The following LRP1B variants were observed in gnomAD, a reference collection of about 807,000 sequenced individuals.
The protein encoded by LRP1B is LDL receptor related protein 1B.
LRP1B carries 217 observed loss-of-function variants against 556.6 expected under a neutral mutation model. The ratio of observed to expected loss-of-function variants is 0.39; its 90% CI spans 0.35 to 0.44. LRP1B has a LOEUF of 0.44. LRP1B is among the 20% of genes least tolerant of loss of function. The pLI, the probability that LRP1B is intolerant of heterozygous loss-of-function variation, is 1.00. For synonymous variants in LRP1B, 2,047 were observed against 1,865.8 expected, an observed-to-expected ratio of 1.10 and a Z score of -2.50; for missense variants, 5,053 against 5,620.8, an observed-to-expected ratio of 0.90 and a Z score of 3.23.
At chr2:141,634,061 G>T (rs1259157868) in intron 2 of LRP1B, among the ~76,000 whole-genome samples, 1 of 151,080 alleles carries the variant, frequency 6.6e-6, no homozygotes, top group Non-Finnish European at 1.5e-5. Flanking sequence ...TTTTAACTTA[G>T]TCTCAGCTTG....
At chr2:141,938,575 A>T (rs1700703703) in intron 1 of LRP1B, among the ~76,000 whole-genome samples, 1 of 152,120 alleles carries the variant, frequency 6.6e-6, no homozygotes, top group Non-Finnish European at 1.5e-5. Context: ...CAATCCAGCA[A>T]TCCTTTTTCT....
At chr2:141,668,554 C>T (rs188812884) in intron 2 of LRP1B, among the ~76,000 whole-genome samples, 73 of 152,258 alleles carry the variant, frequency 4.8e-4, no homozygotes, top group African/African-American at 1.6e-3. Flanking sequence ...TGTGGACAGT[C>T]CAATGGCTGT....
At chr2:141,048,706 T>C (rs1034722919) in intron 11 of LRP1B, among the ~76,000 whole-genome samples, 9 of 152,128 alleles carry the variant, frequency 5.9e-5, no homozygotes, top group Non-Finnish European at 1.0e-4. Flanking sequence ...TCAGTATAAA[T>C]TGACATTTCC....
intron 3 of LRP1B, among the ~76,000 whole-genome samples, chr2:141,409,389 A>T (rs568029258): frequency 6.6e-6 from 1 of 152,266 alleles, no homozygotes; most frequent in Admixed American, 6.5e-5. Context: ...CAAAATGAGA[A>T]ACAGAAAACC....
At chr2:141,634,004 C>G (rs183255088) in intron 2 of LRP1B, among the ~76,000 whole-genome samples, 1 of 151,524 alleles carries the variant, frequency 6.6e-6, no homozygotes, top group African/African-American at 2.4e-5. Flanking sequence ...AATCACTATA[C>G]GTGAGTAATT....
chr2:140,388,777 C>G (rs746017145), intron 66 of LRP1B, among the ~76,000 whole-genome samples: 14 of 152,286 alleles, frequency 9.2e-5, no homozygotes, highest in Non-Finnish European at 1.9e-4. Flanking sequence ...CCTAAAACAT[C>G]AGTTCTCAAA....
intron 1 of LRP1B, among the ~76,000 whole-genome samples, chr2:142,006,328 C>A (rs986423308): frequency 6.6e-6 from 1 of 152,118 alleles, no homozygotes; most frequent in African/African-American, 2.4e-5. Context: ...AAAACAGCAT[C>A]CATTAAATCT....
intron 83 of LRP1B, among the ~76,000 whole-genome samples, chr2:140,311,492 T>C (rs993991209): frequency 6.6e-6 from 1 of 151,818 alleles, no homozygotes; most frequent in Non-Finnish European, 1.5e-5. Context: ...CGTAGACATG[T>C]TGTGGAATAA....
At chr2:140,268,800 AAAGGTC>A (rs2104941033) in intron 86 of LRP1B, among the ~76,000 whole-genome samples, 1 of 152,002 alleles carries the variant, frequency 6.6e-6, no homozygotes, top group East Asian at 2.0e-4. Context: ...AGACTGTAAA[AAAGGTC>A]TTACTCTAAG....
At chr2:140,748,310 T>TATTCATATATAATATATATTAA (rs1688403768) in intron 35 of LRP1B, among the ~76,000 whole-genome samples, 1 of 132,848 alleles carries the variant, frequency 7.5e-6, no homozygotes. Flanking sequence ...TCATATATTA[T>TATTCATATATAATATATATTAA]ATTCATATAT....
At chr2:141,599,677 T>C (rs1462967114) in intron 2 of LRP1B, among the ~76,000 whole-genome samples, 1 of 152,134 alleles carries the variant, frequency 6.6e-6, no homozygotes, top group African/African-American at 2.4e-5. Flanking sequence ...ATGAACTACA[T>C]TATGTCTCCA....
chr2:141,252,738 C>A (rs894016466), intron 4 of LRP1B, among the ~76,000 whole-genome samples: 5 of 152,120 alleles, frequency 3.3e-5, no homozygotes, highest in Non-Finnish European at 7.4e-5. Flanking sequence ...ACATTGACTA[C>A]AAAGGAATAG....
intron 2 of LRP1B, among the ~76,000 whole-genome samples, chr2:141,737,697 C>A (rs1033654783): frequency 6.6e-6 from 1 of 152,168 alleles, no homozygotes; most frequent in African/African-American, 2.4e-5. Context: ...CTTTCTCACA[C>A]TCACAGAATA....
At chr2:140,633,112 A>T (rs1574168209) in intron 41 of LRP1B, among the ~76,000 whole-genome samples, 1 of 151,844 alleles carries the variant, frequency 6.6e-6, no homozygotes, top group African/African-American at 2.4e-5. Context: ...CATTAAATAT[A>T]AAAACATAGA....
intron 41 of LRP1B, among the ~76,000 whole-genome samples, chr2:140,643,792 T>C (rs1258924427): frequency 6.6e-6 from 1 of 152,190 alleles, no homozygotes; most frequent in Non-Finnish European, 1.5e-5. Flanking sequence ...TGTTCATGCA[T>C]ATTGAGTACA....
chr2:141,942,541 A>G (rs763262451), intron 1 of LRP1B, among the ~76,000 whole-genome samples: 10 of 152,006 alleles, frequency 6.6e-5, no homozygotes, highest in Non-Finnish European at 1.3e-4. Flanking sequence ...CCAAAACAAA[A>G]CCATACCCTG....
chr2:140,395,763 T>C (rs1472059193), intron 66 of LRP1B, among the ~76,000 whole-genome samples: 3 of 152,214 alleles, frequency 2.0e-5, no homozygotes, highest in African/African-American at 2.4e-5. Flanking sequence ...ATTTTAAAAA[T>C]TGCATGTCAA....
chr2:141,839,378 C>T (rs1359480975), intron 1 of LRP1B, among the ~76,000 whole-genome samples: 2 of 152,158 alleles, frequency 1.3e-5, no homozygotes, highest in Admixed American at 6.5e-5. Context: ...TATACACAAA[C>T]ATGCACCATT....
Position 140,501,729 on chromosome 2 carries a change from A to C in LRP1B, c.8808T>G (p.Ser2936Arg), listed in dbSNP as rs760563435. ...HINECLSKKV[S>R]GCSQDCQDLP... Reference sequence around the variant, plus strand: ...GGTCTTGACAGTCTTGAGAACATCCACTGACTTTCTTACTCAAACATTCAT... The same window carrying C: ...GGTCTTGACAGTCTTGAGAACATCCCCTGACTTTCTTACTCAAACATTCAT... Residue 2936 changes from serine to arginine, a missense_variant, in exon 55 of 91, where the codon AGT (serine) becomes AGG (arginine). Physicochemically the swap from Ser to Arg is moderately radical, Grantham distance 110 (BLOSUM62 -1). Coordinates refer to ENST00000389484, the MANE Select transcript of LRP1B (RefSeq NM_018557.3). The C allele has an allele frequency of 5.6e-6, 9 of 1,612,610 alleles. No individual in the cohort carries two copies. The South Asian group carries it at 8.8e-5, about 16-fold the overall frequency.
Sources: allele counts gnomAD v4.1 joint callset (sites outside exome capture counted in the v4.1 genomes callset), GRCh38; gene constraint gnomAD v4.1.1; transcripts MANE v1.5; gene names NCBI Gene and HGNC (gene_info 2026-07-23, HGNC 2026-07-21).